RPL27A: variants seen among roughly 807,000 people sequenced by gnomAD.
RPL27A encodes ribosomal protein L27a, also known as large ribosomal subunit protein uL15.
For missense variants in RPL27A, 118 were observed against 189.4 expected (o/e 0.62, Z 2.21); for synonymous variants, 69 against 68.3 (o/e 1.01, Z -0.05).
At chr11:8,685,437 T>G (rs953186803) in intron 4 of RPL27A, 1 of 674,632 alleles carries the variant, frequency 1.5e-6, no homozygotes, top group Non-Finnish European at 2.8e-6. Context: ...GGCTTATGCT[T>G]TGCCGAGACT....
Position 8,682,805 on chromosome 11 carries a change from G to A in RPL27A, c.-9G>A. 1.2e-6 allele frequency: 2 copies of A among 1,613,298 alleles called. No individual in the cohort carries two copies. Among genetic ancestry groups the A allele is most frequent in the South Asian group, 2.2e-5 (2 of 91,060 alleles). On this transcript the variant is annotated 5_prime_UTR_variant, in exon 1 of 5. Coordinates refer to ENST00000314138, the MANE Select transcript of RPL27A (RefSeq NM_000990.5). ...GCGAAGGCCTTCCTTTTTCGTCTGG[G>A]CTGCCAACATGGTAGGTGTTTCGTT...
rs560860362 is a variant in RPL27A, at chr11:8,689,695, A to G, written c.*3889A>G. On this transcript the variant is annotated 3_prime_UTR_variant, in exon 5 of 5. Transcript: ENST00000314138. ...TGTGTAGCTCCCCTAGCAAGAATAT[A>G]GGTTAAAGCGTAAATTTAATTCCTG... is the stretch of plus-strand genomic sequence containing the variant. The G allele has an allele frequency of 6.6e-6, 1 of 152,350 alleles. No homozygotes were observed. The highest frequency in any genetic ancestry group is 2.1e-4 in the South Asian group (1 of 4,826). 9.4% of individuals were successfully genotyped at this position (152,350 alleles called of 1,614,324 possible).
At position 8,687,235 on chromosome 11, in the gene RPL27A, A is replaced by G. The variant is rs991687462; in HGVS notation, c.*1429A>G. ...ACCAACCTGGAGAAACCTTGTCTCT[A>G]CTAAATACACAAAATTAGCCAGGCG... On this transcript the variant is annotated 3_prime_UTR_variant, in exon 5 of 5. Coordinates refer to ENST00000314138, the MANE Select transcript of RPL27A (RefSeq NM_000990.5). 1.3e-5 allele frequency: 2 copies of G among 152,316 alleles called. No individual in the cohort carries two copies. The highest frequency in any genetic ancestry group is 2.4e-5 in the African/African-American group (1 of 41,476). 9.4% of individuals were successfully genotyped at this position (152,316 alleles called of 1,614,324 possible). A position where few individuals can be genotyped will look rare whatever the true frequency, so the allele number is the denominator to read the frequency against.
chr11:8,682,990 GT>G, intron 1 of RPL27A, 174 bp downstream of exon 1: 1 of 947,968 alleles, frequency 1.1e-6, no homozygotes. Flanking sequence ...GGAGCCGTGT[GT>G]TAGGCCCGCG....
In RPL27A at chr11:8,683,429, G is replaced by C. The variant is rs944733055; in HGVS notation, c.67+164G>C. ...GATCCTCTAGTATTCCAGTTCTAAGGAATTTCACATCAGTGGGGTAATAGG... is the reference window on the plus strand; with the variant it reads ...GATCCTCTAGTATTCCAGTTCTAAGCAATTTCACATCAGTGGGGTAATAGG... On this transcript the variant is annotated intron_variant, in intron 2 of 4. Coordinates refer to ENST00000314138, the MANE Select transcript of RPL27A (RefSeq NM_000990.5). 15 of 631,806 alleles carry C rather than the reference G, an allele frequency of 2.4e-5. No individual in the cohort carries two copies. In the African/African-American group the frequency reaches 2.6e-4, roughly 11 times the overall value. The allele number at this position is 631,806 out of a possible 1,614,324, so 39.1% of individuals were successfully genotyped here.
rs955058459 is a variant in RPL27A at position 8,686,591 on chromosome 11, G to C, written c.*785G>C. 1 of 152,162 alleles carries C rather than the reference G, an allele frequency of 6.6e-6. No individual in the cohort carries two copies. Among genetic ancestry groups the C allele is most frequent in the Non-Finnish European group, 1.5e-5 (1 of 68,036 alleles). 9.4% of individuals were successfully genotyped at this position (152,162 alleles called of 1,614,324 possible). ...CCAGAATGTGATGAATCAAAATCTC[G>C]AGATGGGGGTCCAGCAATCTGAAAT... On this transcript the variant is annotated 3_prime_UTR_variant, in exon 5 of 5. Coordinates refer to ENST00000314138, the MANE Select transcript of RPL27A (RefSeq NM_000990.5).
chr11:8,683,674 G>C, intron 2 of RPL27A: 1 of 481,704 alleles, frequency 2.1e-6, no homozygotes, highest in South Asian at 2.1e-5. Flanking sequence ...AGGCTGTGTG[G>C]TGCATGTAGC....
chr11:8,683,779 G>T (rs2039541553), intron 2 of RPL27A: 1 of 557,884 alleles, frequency 1.8e-6, no homozygotes, highest in Admixed American at 2.9e-5. Flanking sequence ...CCGGGCTCAA[G>T]CGATTCTCCT....
In RPL27A at chr11:8,683,282, C is replaced by T. The variant is rs759877664; in HGVS notation, c.67+17C>T. 4.3e-6 allele frequency: 7 copies of T among 1,613,082 alleles called. No homozygotes were observed. The South Asian group carries it at 7.7e-5, about 18-fold the overall frequency. ...GCCGCATAGGTAAGTGCCGGCTTCCCCTCGGGGTGGGCCTTGGGCTCTCTT... is the reference window on the plus strand; with the variant it reads ...GCCGCATAGGTAAGTGCCGGCTTCCTCTCGGGGTGGGCCTTGGGCTCTCTT... On this transcript the variant is annotated intron_variant, in intron 2 of 4. Coordinates refer to ENST00000314138, the MANE Select transcript of RPL27A (RefSeq NM_000990.5).
chr11:8,682,808 G>A lies in RPL27A; in HGVS notation c.-6G>A. On this transcript the variant is annotated 5_prime_UTR_variant, in exon 1 of 5. Transcript: ENST00000314138. ...AAGGCCTTCCTTTTTCGTCTGGGCT[G>A]CCAACATGGTAGGTGTTTCGTTTCT... 6.2e-7 allele frequency: 1 copy of A among 1,613,162 alleles called. No homozygotes were observed. The highest frequency in any genetic ancestry group is 1.3e-5 in the African/African-American group (1 of 74,950).
In RPL27A at chr11:8,684,287, G is replaced by T. The variant is rs751782589; in HGVS notation, c.143+206G>T. 2.4e-5 allele frequency: 18 copies of T among 756,694 alleles called. No individual in the cohort carries two copies. In the Admixed American group the frequency reaches 2.9e-4, roughly 12 times the overall value. 46.9% of individuals were successfully genotyped at this position (756,694 alleles called of 1,614,324 possible). ...GCCTGAGTGTGCTAGAGTCCTCGAA[G>T]AGTAACTGCTGACCTTATTCACTGG... On this transcript the variant is annotated intron_variant, in intron 3 of 4. Coordinates refer to ENST00000314138, the MANE Select transcript of RPL27A (RefSeq NM_000990.5).
At chr11:8,683,317 AGCTAGTCTGGAGATCGGTAG>A in intron 2 of RPL27A, 52 bp downstream of exon 2, 1 of 1,519,656 alleles carries the variant, frequency 6.6e-7, no homozygotes, top group Non-Finnish European at 9.1e-7. Flanking sequence ...TCGGGTGCTT[AGCTAGTCTGGAGATCGGTAG>A]CCTATAAGTG....
At position 8,683,986 on chromosome 11, in the gene RPL27A, G is replaced by A. The variant is rs745995983; in HGVS notation, c.68-20G>A. 5.0e-6 allele frequency: 8 copies of A among 1,606,504 alleles called. No individual in the cohort carries two copies. The African/African-American group carries it at 5.3e-5, about 11-fold the overall frequency. On this transcript the variant is annotated intron_variant, in intron 2 of 4. Transcript: ENST00000314138. Reference sequence around the variant, plus strand: ...GCATGAGCCATCACACCGGCCCCACGTAGCTTTGTATTCCTGCAGGCAAGC... The same window carrying A: ...GCATGAGCCATCACACCGGCCCCACATAGCTTTGTATTCCTGCAGGCAAGC...
At position 8,683,277 on chromosome 11, in the gene RPL27A, C is replaced by T. The variant is rs767049481; in HGVS notation, c.67+12C>T. On this transcript the variant is annotated intron_variant, in intron 2 of 4. Coordinates refer to ENST00000314138, the MANE Select transcript of RPL27A (RefSeq NM_000990.5). ...CCACGGCCGCATAGGTAAGTGCCGG[C>T]TTCCCCTCGGGGTGGGCCTTGGGCT... 6.2e-7 allele frequency: 1 copy of T among 1,613,578 alleles called. No homozygotes were observed. The highest frequency in any genetic ancestry group is 8.5e-7 in the Non-Finnish European group (1 of 1,179,538).
intron 2 of RPL27A, 76 bp from the exon 3 acceptor site, chr11:8,683,930 C>T (rs557058667): frequency 6.0e-6 from 7 of 1,168,898 alleles, no homozygotes; most frequent in Admixed American, 3.4e-5. Flanking sequence ...GATCTACCCC[C>T]CCTCGTCCTC....
intron 4 of RPL27A, chr11:8,685,341 G>A (rs1442661605): frequency 3.7e-6 from 2 of 542,804 alleles, no homozygotes; most frequent in Non-Finnish European, 7.1e-6. Context: ...TCACTTCCCA[G>A]CCTATTTAAT....
Position 8,685,899 on chromosome 11 carries a change from A to C in RPL27A, c.*93A>C. ...AGTGGCACCTCTACATCCTGTGTGC[A>C]TTGGGAGCCCAGGTTCTAGTACTTA... is the stretch of plus-strand genomic sequence containing the variant. On this transcript the variant is annotated 3_prime_UTR_variant, in exon 5 of 5. Transcript: ENST00000314138. 2 of 1,272,378 alleles carry C rather than the reference A, an allele frequency of 1.6e-6. No homozygotes were observed. Among genetic ancestry groups the C allele is most frequent in the Non-Finnish European group, 2.2e-6 (2 of 902,572 alleles). 78.8% of individuals were successfully genotyped at this position (1,272,378 alleles called of 1,614,324 possible). A position where few individuals can be genotyped will look rare whatever the true frequency, so the allele number is the denominator to read the frequency against.
intron 3 of RPL27A, 177 bp from the exon 4 acceptor site, chr11:8,684,541 A>G (rs1361763289): frequency 4.4e-6 from 3 of 674,160 alleles, no homozygotes; most frequent in Admixed American, 5.0e-5. Context: ...CCTTTTCCTC[A>G]TGATAGTCTT....
Position 8,688,826 on chromosome 11 carries a change from G to T in RPL27A, c.*3020G>T, listed in dbSNP as rs970568186. ...GCCCAAGAGCAGACAGCCCACGGAC[G>T]GACTGCAAGTCGGAAGCGCGGGCGG... On this transcript the variant is annotated 3_prime_UTR_variant, in exon 5 of 5. Transcript: ENST00000314138. The T allele has an allele frequency of 1.3e-5, 2 of 152,278 alleles. No individual in the cohort carries two copies. The highest frequency in any genetic ancestry group is 2.9e-5 in the Non-Finnish European group (2 of 68,046). 9.4% of individuals were successfully genotyped at this position (152,278 alleles called of 1,614,324 possible). A position where few individuals can be genotyped will look rare whatever the true frequency, so the allele number is the denominator to read the frequency against.
Sources: allele counts gnomAD v4.1 joint callset, GRCh38; gene constraint gnomAD v4.1.1; transcripts MANE v1.5; gene names NCBI Gene and HGNC (gene_info 2026-07-23, HGNC 2026-07-21).